Variants in GPC6 observed in about 807,000 individuals in gnomAD.
GPC6 encodes glypican-6.
A neutral mutation model predicts 55.2 loss-of-function variants in GPC6; 14 were observed. That is an observed-to-expected ratio of 0.25 (90% CI 0.17 to 0.40). The LOEUF is 0.40. GPC6 is among the 10% of genes least tolerant of loss of function. The pLI, the probability that GPC6 is intolerant of heterozygous loss-of-function variation, is 1.00. For missense variants in GPC6, 641 were observed against 708.5 expected (o/e 0.90, Z 1.08); for synonymous variants, 278 against 259.6 (o/e 1.07, Z -0.68).
At chr13:93,777,602 G>A (rs1280224753) in intron 2 of GPC6, among the ~76,000 whole-genome samples, 1 of 152,138 alleles carries the variant, frequency 6.6e-6, no homozygotes, top group Non-Finnish European at 1.5e-5. Context: ...CGGTACCTAT[G>A]TAGACATTAT....
At chr13:94,056,836 C>T (rs961739394) in intron 4 of GPC6, among the ~76,000 whole-genome samples, 2 of 152,226 alleles carry the variant, frequency 1.3e-5, no homozygotes, top group African/African-American at 2.4e-5. Flanking sequence ...CAATTCTTTT[C>T]ACTTTCATCC....
chr13:93,822,372 G>C (rs1195249765), intron 2 of GPC6, among the ~76,000 whole-genome samples: 2 of 152,090 alleles, frequency 1.3e-5, no homozygotes, highest in African/African-American at 2.4e-5. Context: ...CCAGAGGTTT[G>C]AGCATGCTCT....
chr13:93,953,538 A>G (rs1404398996), intron 3 of GPC6, among the ~76,000 whole-genome samples: 1 of 152,182 alleles, frequency 6.6e-6, no homozygotes, highest in East Asian at 1.9e-4. Flanking sequence ...TGTTCATTCT[A>G]GCAACTTTCT....
chr13:94,144,205 C>G (rs17196029), intron 4 of GPC6, among the ~76,000 whole-genome samples: 27,704 of 152,032 alleles, frequency 0.18, 2,839 homozygotes, highest in Non-Finnish European at 0.23. Context: ...CCTGTAACCA[C>G]AGAGGGCAGG....
chr13:93,925,020 A>G (rs1379320853), intron 3 of GPC6, among the ~76,000 whole-genome samples: 9 of 152,350 alleles, frequency 5.9e-5, no homozygotes, highest in East Asian at 3.9e-4. Context: ...ACAAAGATGT[A>G]AAAGCCAACA....
chr13:93,379,987 A>G (rs907978761), intron 1 of GPC6, among the ~76,000 whole-genome samples: 7 of 148,866 alleles, frequency 4.7e-5, no homozygotes, highest in African/African-American at 1.7e-4. Flanking sequence ...GAGCCCTGCA[A>G]GTTTCTCTTT....
At chr13:94,363,353 C>G (rs1156597931) in intron 6 of GPC6, among the ~76,000 whole-genome samples, 1 of 152,112 alleles carries the variant, frequency 6.6e-6, no homozygotes, top group African/African-American at 2.4e-5. Flanking sequence ...TAAACTGAAG[C>G]AATTCTAGAC....
At chr13:94,027,985 C>A in intron 4 of GPC6, 91 bp downstream of exon 4, 2 of 1,159,716 alleles carry the variant, frequency 1.7e-6, no homozygotes, top group South Asian at 2.5e-5. Flanking sequence ...TTATAAGAAA[C>A]CAGACACAGT....
chr13:93,569,430 A>G (rs1566428528), intron 2 of GPC6, among the ~76,000 whole-genome samples: 1 of 152,184 alleles, frequency 6.6e-6, no homozygotes, highest in African/African-American at 2.4e-5. Flanking sequence ...GTGGCATTAA[A>G]GAGAATTTCA....
intron 4 of GPC6, among the ~76,000 whole-genome samples, chr13:94,132,399 G>A (rs1254786334): frequency 6.6e-6 from 1 of 152,106 alleles, no homozygotes; most frequent in African/African-American, 2.4e-5. Flanking sequence ...ATGTATGCAA[G>A]TCTTGAAAAT....
At chr13:94,214,722 C>G (rs557479174) in intron 4 of GPC6, among the ~76,000 whole-genome samples, 2 of 152,212 alleles carry the variant, frequency 1.3e-5, no homozygotes, top group Admixed American at 1.3e-4. Context: ...AATATATAAA[C>G]AACCACTATT....
chr13:93,229,999 T>C (rs2138999593), intron 1 of GPC6, among the ~76,000 whole-genome samples: 1 of 152,328 alleles, frequency 6.6e-6, no homozygotes, highest in East Asian at 1.9e-4. Context: ...CTCTCCTCCC[T>C]AGTTCTTGAT....
chr13:93,768,097 T>G (rs1357209668), intron 2 of GPC6, among the ~76,000 whole-genome samples: 1 of 152,174 alleles, frequency 6.6e-6, no homozygotes, highest in Non-Finnish European at 1.5e-5. Context: ...TTATTGTAAT[T>G]TAACTCATGT....
chr13:93,275,116 A>C (rs2139058763), intron 1 of GPC6, among the ~76,000 whole-genome samples: 1 of 152,342 alleles, frequency 6.6e-6, no homozygotes, highest in South Asian at 2.1e-4. Context: ...GCCTCTTCTG[A>C]TTATAGACTA....
At chr13:93,378,259 G>C (rs2139200520) in intron 1 of GPC6, among the ~76,000 whole-genome samples, 1 of 152,282 alleles carries the variant, frequency 6.6e-6, no homozygotes, top group South Asian at 2.1e-4. Context: ...TGATAAGCAT[G>C]AAACACCTTA....
chr13:93,612,978 T>G (rs1286031937), intron 2 of GPC6, among the ~76,000 whole-genome samples: 1 of 152,176 alleles, frequency 6.6e-6, no homozygotes, highest in Admixed American at 6.5e-5. Flanking sequence ...ATGCTGGAAT[T>G]CATTGCCAAT....
chr13:94,061,014 C>T lies in GPC6; in HGVS notation c.877+33120C>T, dbSNP rs142683340. Among the ~76,000 whole-genome samples the T allele has an allele frequency of 1.1e-4, 16 of 152,230 alleles. No individual in the cohort carries two copies. The East Asian group carries it at 1.5e-3, about 15-fold the overall frequency. On this transcript the variant is annotated intron_variant, in intron 4 of 8. Transcript: ENST00000377047. ...TGACATTGTCACATATACTATTGAGCGACTTTAATCAAATTCAGCATTATT... is the reference window on the plus strand; with the variant it reads ...TGACATTGTCACATATACTATTGAGTGACTTTAATCAAATTCAGCATTATT...
At chr13:93,495,816 G>A (rs2139364428) in intron 1 of GPC6, among the ~76,000 whole-genome samples, 1 of 147,174 alleles carries the variant, frequency 6.8e-6, no homozygotes, top group East Asian at 2.1e-4. Context: ...GCTGGGGGGT[G>A]TCTCCCAGTT....
chr13:93,432,218 T>C (rs1276226917), intron 1 of GPC6, among the ~76,000 whole-genome samples: 1 of 152,178 alleles, frequency 6.6e-6, no homozygotes, highest in Non-Finnish European at 1.5e-5. Context: ...AGCGTTGCCT[T>C]TACCAAGTTC....
Sources: gnomAD v4.1 joint callset for allele counts (sites outside exome capture counted in the v4.1 genomes callset) on GRCh38, gnomAD v4.1.1 for gene constraint, MANE v1.5 for transcripts, NCBI Gene and HGNC (gene_info 2026-07-23, HGNC 2026-07-21) for gene names.